The following SAMMSON variants were observed in gnomAD, a reference collection of about 807,000 sequenced individuals.
The protein encoded by SAMMSON is long intergenic non-protein coding RNA 1212.
intron 7 of SAMMSON, among the ~76,000 whole-genome samples, chr3:70,305,330 A>C (rs766358766): frequency 7.2e-5 from 11 of 152,212 alleles, no homozygotes; most frequent in Admixed American, 4.6e-4. Flanking sequence ...TGAGTTAATG[A>C]AAACTACAGA....
At chr3:70,172,687 G>A (rs1313276455) in intron 4 of SAMMSON, 1 of 151,910 alleles carries the variant, frequency 6.6e-6, no homozygotes, top group Non-Finnish European at 1.5e-5. Context: ...TTCAGCATCT[G>A]TCCCTTATAG....
At chr3:70,427,462 G>A (rs60673373) in intron 2 of SAMMSON, among the ~76,000 whole-genome samples, 34,335 of 152,084 alleles carry the variant, frequency 0.23, 3,934 homozygotes, top group Middle Eastern at 0.3. Flanking sequence ...CAAAAGGGCC[G>A]GGCGCGGTGG....
At chr3:70,397,366 A>G (rs9824718) in intron 2 of SAMMSON, among the ~76,000 whole-genome samples, 3,125 of 152,160 alleles carry the variant, frequency 0.021, 100 homozygotes, top group East Asian at 0.12. Context: ...GTGCAGTGGC[A>G]CCATCTTGGC....
intron 4 of SAMMSON, among the ~76,000 whole-genome samples, chr3:70,145,340 A>G (rs1448093709): frequency 3.3e-5 from 5 of 152,160 alleles, no homozygotes; most frequent in African/African-American, 7.2e-5. Flanking sequence ...GAACAACACT[A>G]TCAACCAACT....
At chr3:70,371,443 G>A (rs1431270450) in intron 9 of SAMMSON, among the ~76,000 whole-genome samples, 4 of 151,970 alleles carry the variant, frequency 2.6e-5, no homozygotes, top group Non-Finnish European at 5.9e-5. Flanking sequence ...CAATCCATGA[G>A]CACAAAATGT....
chr3:70,416,267 T>C (rs1701264094), intron 2 of SAMMSON, among the ~76,000 whole-genome samples: 1 of 152,220 alleles, frequency 6.6e-6, no homozygotes, highest in Non-Finnish European at 1.5e-5. Flanking sequence ...AATAGCTTCT[T>C]AATAATTTCC....
chr3:70,322,402 C>G (rs1467357762), intron 7 of SAMMSON, among the ~76,000 whole-genome samples: 2 of 152,074 alleles, frequency 1.3e-5, no homozygotes, highest in Non-Finnish European at 2.9e-5. Flanking sequence ...TTGTCAAGTT[C>G]TTTGTCATCT....
At chr3:70,012,046 TAGCTCC>T (rs2066958286) in intron 1 of SAMMSON, among the ~76,000 whole-genome samples, 3 of 152,216 alleles carry the variant, frequency 2.0e-5, no homozygotes, top group Admixed American at 2.0e-4. Context: ...CCCCTTTCTC[TAGCTCC>T]CTCCTGGACT....
At chr3:70,392,962 G>T (rs1251142725), downstream of SAMMSON, among the ~76,000 whole-genome samples, 1 of 152,092 alleles carries the variant, frequency 6.6e-6, no homozygotes, top group African/African-American at 2.4e-5. Flanking sequence ...GCATTGCAAA[G>T]CTATTTTTGC....
At chr3:70,155,200 G>A (rs960083479) in intron 4 of SAMMSON, among the ~76,000 whole-genome samples, 2 of 151,902 alleles carry the variant, frequency 1.3e-5, no homozygotes, top group African/African-American at 4.8e-5. Context: ...GTAAAGTATG[G>A]TTTCAAGGGT....
chr3:70,042,495 C>T (rs1044885627), intron 3 of SAMMSON, among the ~76,000 whole-genome samples: 1 of 151,934 alleles, frequency 6.6e-6, no homozygotes, highest in Non-Finnish European at 1.5e-5. Flanking sequence ...TTTAAAAAAA[C>T]CTTTGAGAGA....
At chr3:70,188,096 C>A (rs931495939) in intron 4 of SAMMSON, among the ~76,000 whole-genome samples, 12 of 152,198 alleles carry the variant, frequency 7.9e-5, no homozygotes, top group African/African-American at 2.7e-4. Context: ...CACTGTCCTA[C>A]CTTTTTAAAT....
At chr3:70,017,848 G>T (rs897622483) in intron 3 of SAMMSON, among the ~76,000 whole-genome samples, 4 of 152,092 alleles carry the variant, frequency 2.6e-5, no homozygotes, top group Non-Finnish European at 4.4e-5. Context: ...TAATCATGTG[G>T]TTTTTGTCTT....
intron 4 of SAMMSON, among the ~76,000 whole-genome samples, chr3:70,202,303 C>G (rs1559533915): frequency 6.6e-6 from 1 of 151,968 alleles, no homozygotes; most frequent in East Asian, 1.9e-4. Flanking sequence ...GTAACTAGTG[C>G]TCTATCTGAT....
At position 70,166,896 on chromosome 3, in the gene SAMMSON, T is replaced by A. The variant is rs149590302; in HGVS notation, n.508-82211T>A. Among the ~76,000 whole-genome samples, 118 of 152,066 alleles carry A rather than the reference T, an allele frequency of 7.8e-4. 1 individual carries two copies. The East Asian group carries it at 0.011, about 15-fold the overall frequency. On this transcript the variant is annotated intron_variant and non_coding_transcript_variant, in intron 4 of 9. Coordinates refer to ENST00000642114, the Ensembl canonical transcript of SAMMSON. ...TATTGGAGATAGGTGGGGCTAGACATTATTATATTTTATAGGCATTATTCT... is the reference window on the plus strand; with the variant it reads ...TATTGGAGATAGGTGGGGCTAGACAATATTATATTTTATAGGCATTATTCT...
At chr3:70,263,707 T>A (rs1421307098) in intron 6 of SAMMSON, among the ~76,000 whole-genome samples, 1 of 152,222 alleles carries the variant, frequency 6.6e-6, no homozygotes, top group East Asian at 1.9e-4. Context: ...TCTTGGGTTC[T>A]CTGCCCTATA....
intron 4 of SAMMSON, among the ~76,000 whole-genome samples, chr3:70,179,049 AG>A (rs1701031013): frequency 6.6e-6 from 1 of 152,140 alleles, no homozygotes; most frequent in Non-Finnish European, 1.5e-5. Flanking sequence ...ATAACTGATC[AG>A]TTTCATTTTA....
intron 4 of SAMMSON, among the ~76,000 whole-genome samples, chr3:70,187,995 A>G (rs1377131170): frequency 1.3e-5 from 2 of 152,164 alleles, no homozygotes; most frequent in Non-Finnish European, 2.9e-5. Context: ...ATTAAGGAGA[A>G]GGGCAGCCAC....
chr3:70,255,739 G>A (rs1031166460), intron 6 of SAMMSON, among the ~76,000 whole-genome samples: 12 of 152,128 alleles, frequency 7.9e-5, no homozygotes, highest in Admixed American at 1.3e-4. Context: ...TTACAGGTAT[G>A]ATCCCCCGTA....
Sources: allele counts gnomAD v4.1 joint callset (sites outside exome capture counted in the v4.1 genomes callset), GRCh38; gene constraint gnomAD v4.1.1; transcripts MANE v1.5; gene names NCBI Gene and HGNC (gene_info 2026-07-23, HGNC 2026-07-21).